The following C11orf65 variants were observed in gnomAD, a reference collection of about 807,000 sequenced individuals.
C11orf65 encodes the protein chromosome 11 open reading frame 65.
In C11orf65, 38 loss-of-function variants were observed where a neutral mutation model predicts 35.3. That is an observed-to-expected ratio of 1.08 (90% CI 0.83 to 1.41). The LOEUF (loss-of-function observed/expected upper bound fraction) is 1.41, where lower values mean the gene tolerates loss of function less well. Ranked by LOEUF, C11orf65 falls within the 40% of genes most tolerant of loss-of-function variation. The pLI is 0.00. For missense variants in C11orf65, 370 were observed against 367.1 expected, an observed-to-expected ratio of 1.01 and a Z score of -0.06; for synonymous variants, 105 against 114.4, an observed-to-expected ratio of 0.92 and a Z score of 0.53.
At position 108,382,785 on chromosome 11, in the gene C11orf65, T is replaced by C; in HGVS notation, c.*236A>G. ...CCTAAATGTAGTCTCTTTACTTAAG[T>C]GTGACTGTTAGAATACTACAGTTTC... On this transcript the variant is annotated 3_prime_UTR_variant, in exon 9 of 9. Coordinates refer to ENST00000393084, the MANE Select transcript of C11orf65 (RefSeq NM_152587.5). 1 of 984,226 alleles carries C rather than the reference T, an allele frequency of 1.0e-6. No homozygotes were observed. Among genetic ancestry groups the C allele is most frequent in the Non-Finnish European group, 1.2e-6 (1 of 828,810 alleles). 61.0% of individuals were successfully genotyped at this position (984,226 alleles called of 1,614,324 possible).
chr11:108,428,494 T>G (rs1421862664), intron 3 of C11orf65, among the ~76,000 whole-genome samples: 1 of 152,138 alleles, frequency 6.6e-6, no homozygotes, highest in Non-Finnish European at 1.5e-5. Context: ...AAAAAGGATG[T>G]GTTCATGTCC....
chr11:108,365,020 G>A (rs1410191940), intron 2 of C11orf65: 3 of 1,578,138 alleles, frequency 1.9e-6, no homozygotes, highest in African/African-American at 2.7e-5. Context: ...TGGTTCTACT[G>A]TTTCTAAGTA....
intron 2 of C11orf65, among the ~76,000 whole-genome samples, chr11:108,445,960 G>A (rs2093249387): frequency 6.6e-6 from 1 of 152,162 alleles, no homozygotes; most frequent in Admixed American, 6.5e-5. Context: ...CGAGGCTCGA[G>A]AACTACGTGA....
chr11:108,347,393 C>A (rs2088576190), intron 2 of C11orf65: 2 of 1,502,748 alleles, frequency 1.3e-6, no homozygotes, highest in Non-Finnish European at 1.9e-6. Flanking sequence ...TGTATCTATT[C>A]TTTTTAGTAA....
downstream of C11orf65, among the ~76,000 whole-genome samples, chr11:108,378,019 A>G (rs179111): frequency 0.53 from 76,715 of 146,018 alleles, 20,745 homozygotes; most frequent in Middle Eastern, 0.72. Context: ...ATGCTCATGG[A>G]TAGGAAGAAT....
intron 2 of C11orf65, among the ~76,000 whole-genome samples, chr11:108,442,228 G>T (rs921100224): frequency 6.6e-6 from 1 of 152,152 alleles, no homozygotes; most frequent in Non-Finnish European, 1.5e-5. Flanking sequence ...GGGTATCAGT[G>T]ATTGAAGATC....
At chr11:108,373,183 GAA>G (rs2091618341) in intron 2 of C11orf65, among the ~76,000 whole-genome samples, 2 of 152,154 alleles carry the variant, frequency 1.3e-5, no homozygotes, top group South Asian at 2.1e-4. Flanking sequence ...ATCAATATAA[GAA>G]AGAGGTAAAT....
chr11:108,393,442 G>GCAA, intron 6 of C11orf65, 64 bp from the exon 7 acceptor site: 2 of 1,408,534 alleles, frequency 1.4e-6, no homozygotes, highest in Non-Finnish European at 2.0e-6. Flanking sequence ...GTAGATACAG[G>GCAA]CAATATATAT....
rs1046542598 is a variant in C11orf65 at position 108,323,070 on chromosome 11, A to G, written c.641-13999T>C. Among the ~76,000 whole-genome samples the G allele has an allele frequency of 4.6e-5, 7 of 152,184 alleles. 1 individual carries two copies. The South Asian group carries it at 1.2e-3, about 27-fold the overall frequency. ...ATTATTATACGAGGGAAGAAAGAGG[A>G]TATAAATGACTAAGGTCACTCTACC... On this transcript the variant is annotated intron_variant, in intron 6 of 6. Coordinates refer to the C11orf65 transcript ENST00000525729.
chr11:108,357,214 C>A (rs927665694), intron 2 of C11orf65, among the ~76,000 whole-genome samples: 6 of 152,210 alleles, frequency 3.9e-5, no homozygotes, highest in African/African-American at 1.4e-4. Context: ...GTCACTCCCA[C>A]CCGAATATTG....
At chr11:108,320,136 T>G (rs2085097565) in intron 6 of C11orf65, 1 of 1,127,816 alleles carries the variant, frequency 8.9e-7, no homozygotes, top group African/African-American at 1.5e-5. Context: ...AGAAACAATT[T>G]TAATGTAAGG....
rs143669533 is a variant in C11orf65, at chr11:108,373,701, G to A, written c.226+19507C>T. On this transcript the variant is annotated intron_variant, in intron 2 of 3. Transcript: ENST00000524755. ...GGACAGTGGGTGCAGCGCACCGTGC[G>A]CCAGCCGAAGCAGGGCGTGGCATCG... Among the ~76,000 whole-genome samples, 442 of 152,346 alleles carry A rather than the reference G, an allele frequency of 2.9e-3. 2 individuals carry two copies. Among genetic ancestry groups the A allele is most frequent in the African/African-American group, 9.6e-3 (397 of 41,568 alleles).
At chr11:108,460,964 A>G (rs1409630953) in intron 2 of C11orf65, among the ~76,000 whole-genome samples, 1 of 152,014 alleles carries the variant, frequency 6.6e-6, no homozygotes, top group Admixed American at 6.6e-5. Context: ...ACCTCAGATG[A>G]TCCGCCTGCC....
Position 108,416,935 on chromosome 11 carries a change from G to C in C11orf65, c.175-9786C>G, listed in dbSNP as rs1418759612. Among the ~76,000 whole-genome samples, 5 of 152,130 alleles carry C rather than the reference G, an allele frequency of 3.3e-5. No individual in the cohort carries two copies. The East Asian group carries it at 9.6e-4, about 29-fold the overall frequency. On this transcript the variant is annotated intron_variant, in intron 3 of 8. Coordinates refer to ENST00000393084, the MANE Select transcript of C11orf65 (RefSeq NM_152587.5). ...GAATATAAGTCAAAGGGGATAATGA[G>C]AAATAAGTGCATTGTCTGGGAGAAG...
Position 108,310,285 on chromosome 11 carries a change from A to G in C11orf65, c.641-1214T>C, listed in dbSNP as rs1555110484. The G allele has an allele frequency of 6.2e-7, 1 of 1,613,566 alleles. No individual in the cohort carries two copies. The highest frequency in any genetic ancestry group is 8.5e-7 in the Non-Finnish European group (1 of 1,179,706). ...TTACTCTATGCAGAAATCTATGCAG[A>G]TAAGAAAAGTATGGATGATCAAGAG... On this transcript the variant is annotated intron_variant, in intron 6 of 6. Coordinates refer to the C11orf65 transcript ENST00000525729.
chr11:108,380,829 G>A (rs1268904278), downstream of C11orf65, among the ~76,000 whole-genome samples: 1 of 152,156 alleles, frequency 6.6e-6, no homozygotes. Flanking sequence ...ACTTGGTCCA[G>A]GTATGGATTT....
intron 2 of C11orf65, chr11:108,340,258 A>G (rs1416127309): frequency 6.6e-6 from 1 of 152,008 alleles, no homozygotes; most frequent in Non-Finnish European, 1.5e-5. Context: ...GCAGTTACCA[A>G]CTCATGGACA....
At chr11:108,400,423 A>G (rs1342826035) in intron 6 of C11orf65, among the ~76,000 whole-genome samples, 2 of 152,198 alleles carry the variant, frequency 1.3e-5, no homozygotes, top group African/African-American at 4.8e-5. Flanking sequence ...CATCAATGTA[A>G]TGGACAGGCA....
chr11:108,440,930 C>T (rs911392431), intron 2 of C11orf65, among the ~76,000 whole-genome samples: 15 of 152,254 alleles, frequency 9.9e-5, no homozygotes, highest in South Asian at 2.1e-4. Flanking sequence ...CAGGTGATTT[C>T]GGCATTTCCA....
Sources: allele counts gnomAD v4.1 joint callset (sites outside exome capture counted in the v4.1 genomes callset), GRCh38; gene constraint gnomAD v4.1.1; transcripts MANE v1.5; gene names NCBI Gene and HGNC (gene_info 2026-07-23, HGNC 2026-07-21).